Variants in GLIS3 observed in about 807,000 individuals in gnomAD.
GLIS3 encodes the protein zinc finger protein GLIS3.
GLIS3 carries 53 observed loss-of-function variants against 78.6 expected under a neutral mutation model. The observed-to-expected ratio is 0.67, with a 90% CI of 0.54 to 0.85. The LOEUF is 0.85. Among genes scored for constraint, GLIS3 ranks in the 40% least tolerant of loss-of-function variants. The probability of loss-of-function intolerance (pLI) is 0.00; values close to 1 mark genes in which losing one functional copy is unlikely to be tolerated. For synonymous variants in GLIS3, 684 were observed against 509.9 expected, an observed-to-expected ratio of 1.34 and a Z score of -4.60; for missense variants, 1,703 against 1,231.1, an observed-to-expected ratio of 1.38 and a Z score of -5.74.
intron 4 of GLIS3, among the ~76,000 whole-genome samples, chr9:3,941,073 C>T (rs1588276628): frequency 6.6e-6 from 1 of 152,136 alleles, no homozygotes; most frequent in East Asian, 1.9e-4. Flanking sequence ...AACAAGCCCC[C>T]CATAAGATTC....
chr9:4,420,819 T>C, the GLIS3 span, among the ~76,000 whole-genome samples: 1 of 152,178 alleles, frequency 6.6e-6, no homozygotes, highest in Non-Finnish European at 1.5e-5. Context: ...GCAATTACAA[T>C]AAAACTAGTC....
chr9:3,887,791 G>C (rs183854987), intron 7 of GLIS3, among the ~76,000 whole-genome samples: 1 of 152,302 alleles, frequency 6.6e-6, no homozygotes, highest in Non-Finnish European at 1.5e-5. Flanking sequence ...GTTAGGAAAA[G>C]CTCTGGAAAC....
Position 4,054,168 on chromosome 9 carries a change from A to G in GLIS3, c.1710+63600T>C, listed in dbSNP as rs1383075614. 4.4e-5 allele frequency: 9 copies of G among 203,942 alleles called. No individual in the cohort carries two copies. The Admixed American group carries it at 5.9e-4, about 13-fold the overall frequency. The allele number at this position is 203,942 out of a possible 1,614,324, so 12.6% of individuals were successfully genotyped here. On this transcript the variant is annotated intron_variant, in intron 4 of 10. Coordinates refer to ENST00000381971, the MANE Select transcript of GLIS3 (RefSeq NM_001042413.2). The stretch of plus-strand genomic sequence containing the variant: ...AGAGGTTAACCACCCACCCAAAGTC[A>G]CAGGACTCTCTGGTGGCACAGCAGG...
intron 4 of GLIS3, among the ~76,000 whole-genome samples, chr9:4,094,545 T>C (rs1829787947): frequency 6.6e-6 from 1 of 152,190 alleles, no homozygotes; most frequent in Non-Finnish European, 1.5e-5. Flanking sequence ...ATAACAGGAA[T>C]GTTCCGTTAC....
At chr9:4,290,703 A>G (rs372589399) in intron 1 of GLIS3, among the ~76,000 whole-genome samples, 28 of 152,148 alleles carry the variant, frequency 1.8e-4, no homozygotes, top group African/African-American at 6.0e-4. Context: ...ACTCCTCAGA[A>G]AAGACTGTAT....
At chr9:4,377,878 T>C in the GLIS3 span, among the ~76,000 whole-genome samples, 2 of 152,248 alleles carry the variant, frequency 1.3e-5, no homozygotes, top group South Asian at 4.1e-4. Context: ...TTTAACGTAG[T>C]TGTAAAAAAC....
At chr9:4,414,344 C>T in the GLIS3 span, among the ~76,000 whole-genome samples, 11 of 152,148 alleles carry the variant, frequency 7.2e-5, no homozygotes, top group African/African-American at 2.2e-4. Context: ...TCAGAGAAAC[C>T]GTAACTCAAT....
At chr9:4,222,202 G>C (rs1414973790) in intron 2 of GLIS3, among the ~76,000 whole-genome samples, 1 of 152,176 alleles carries the variant, frequency 6.6e-6, no homozygotes, top group Non-Finnish European at 1.5e-5. Context: ...TACAGCTATA[G>C]GCCATTATGT....
chr9:4,067,006 G>C (rs1170944172), intron 4 of GLIS3, among the ~76,000 whole-genome samples: 1 of 152,118 alleles, frequency 6.6e-6, no homozygotes, highest in Non-Finnish European at 1.5e-5. Context: ...CATGCAGCCA[G>C]ACCCTCCCCA....
At chr9:4,148,854 G>T (rs1377808909) in intron 2 of GLIS3, among the ~76,000 whole-genome samples, 1 of 152,120 alleles carries the variant, frequency 6.6e-6, no homozygotes, top group African/African-American at 2.4e-5. Flanking sequence ...CTGCCACTTT[G>T]TTGTCCTGGC....
chr9:4,447,545 T>A, the GLIS3 span, among the ~76,000 whole-genome samples: 452 of 152,304 alleles, frequency 3.0e-3, 5 homozygotes, highest in South Asian at 0.043. Flanking sequence ...TTTATACCTA[T>A]TGTCCCAAGC....
chr9:4,218,095 C>T (rs1821011092), intron 2 of GLIS3, among the ~76,000 whole-genome samples: 1 of 152,220 alleles, frequency 6.6e-6, no homozygotes, highest in African/African-American at 2.4e-5. Flanking sequence ...TGTTCCTCCA[C>T]AATCTTATCC....
chr9:4,397,630 G>A, the GLIS3 span, among the ~76,000 whole-genome samples: 2 of 136,248 alleles, frequency 1.5e-5, no homozygotes, highest in African/African-American at 5.7e-5. Context: ...AAAGAAGAAA[G>A]GAAGGAAGAA....
intron 2 of GLIS3, among the ~76,000 whole-genome samples, chr9:4,341,706 C>T (rs1327321152): frequency 6.6e-6 from 1 of 152,202 alleles, no homozygotes; most frequent in Non-Finnish European, 1.5e-5. Context: ...TAACTGTGCC[C>T]AGGTACTCTG....
At chr9:4,202,296 G>A (rs1046099848) in intron 2 of GLIS3, among the ~76,000 whole-genome samples, 16 of 150,646 alleles carry the variant, frequency 1.1e-4, no homozygotes, top group African/African-American at 2.7e-4. Context: ...GACTACAGGC[G>A]CCCGCCACCA....
chr9:4,098,731 C>T (rs977674855), intron 4 of GLIS3, among the ~76,000 whole-genome samples: 10 of 152,080 alleles, frequency 6.6e-5, no homozygotes, highest in Admixed American at 3.9e-4. Context: ...AAAAGTTTTA[C>T]GATCGAAATG....
intron 2 of GLIS3, among the ~76,000 whole-genome samples, chr9:4,271,157 G>T (rs1826474803): frequency 2.0e-5 from 3 of 151,962 alleles, no homozygotes; most frequent in Non-Finnish European, 4.4e-5. Flanking sequence ...AATAATACTA[G>T]AAAATTAGGA....
chr9:3,888,942 T>G (rs1822251749), intron 7 of GLIS3, among the ~76,000 whole-genome samples: 1 of 152,216 alleles, frequency 6.6e-6, no homozygotes, highest in Non-Finnish European at 1.5e-5. Context: ...AGGAAGCATG[T>G]GACATCCCTG....
intron 2 of GLIS3, among the ~76,000 whole-genome samples, chr9:4,184,857 A>G (rs1817639222): frequency 6.7e-6 from 1 of 148,996 alleles, no homozygotes; most frequent in African/African-American, 2.5e-5. Context: ...TACGTAGCAA[A>G]AAAACAATGA....
Sources: allele counts gnomAD v4.1 joint callset (sites outside exome capture counted in the v4.1 genomes callset), GRCh38; gene constraint gnomAD v4.1.1; transcripts MANE v1.5; gene names NCBI Gene and HGNC (gene_info 2026-07-23, HGNC 2026-07-21).